ARFGAP2: variants seen among roughly 807,000 people sequenced by gnomAD.
The protein encoded by ARFGAP2 is ARF GTPase activating protein 2.
Under a neutral mutation model 71.9 loss-of-function variants are expected in ARFGAP2, and 45 were observed. That is an observed-to-expected ratio of 0.63 (90% CI 0.49 to 0.80). The LOEUF (loss-of-function observed/expected upper bound fraction) is 0.80, where lower values mean the gene tolerates loss of function less well. Ranked by LOEUF, ARFGAP2 falls within the 30% of genes least tolerant of loss-of-function variation. ARFGAP2 has a pLI of 0.00. For missense variants in ARFGAP2, 633 were observed against 673.9 expected (o/e 0.94, Z 0.67); for synonymous variants, 248 against 249.2 (o/e 1.00, Z 0.05).
In ARFGAP2 at chr11:47,165,374, C is replaced by G. The variant is rs1045017785; in HGVS notation, c.*108G>C. 1 of 1,427,514 alleles carries G rather than the reference C, an allele frequency of 7.0e-7. No homozygotes were observed. The highest frequency in any genetic ancestry group is 1.5e-5 in the African/African-American group (1 of 68,590). The allele number at this position is 1,427,514 out of a possible 1,614,324, so 88.4% of individuals were successfully genotyped here. On this transcript the variant is annotated 3_prime_UTR_variant, in exon 16 of 16. Coordinates refer to ENST00000524782, the MANE Select transcript of ARFGAP2 (RefSeq NM_032389.6). ...CCACCCCACACACACACCACACATACGAAGTAACAAATCCTCCCCAGCTTC... is the reference window on the plus strand; with the variant it reads ...CCACCCCACACACACACCACACATAGGAAGTAACAAATCCTCCCCAGCTTC...
Position 47,165,520 on chromosome 11 carries a change from G to GAAAAAA in ARFGAP2, c.1546-24_1546-19dup. On this transcript the variant is annotated intron_variant, in intron 15 of 15. Transcript: ENST00000524782. ...TAGCGATCCTGGGGGCGAGGGGGGA[G>GAAAAAA]AAAAAAAAAAAAAAAGTCAGAGGCT... The GAAAAAA allele has an allele frequency of 7.1e-7, 1 of 1,404,164 alleles. No individual in the cohort carries two copies. The highest frequency in any genetic ancestry group is 9.5e-7 in the Non-Finnish European group (1 of 1,054,214). 87.0% of individuals were successfully genotyped at this position (1,404,164 alleles called of 1,614,324 possible). A position where few individuals can be genotyped will look rare whatever the true frequency, so the allele number is the denominator to read the frequency against.
At position 47,166,586 on chromosome 11, in the gene ARFGAP2, G is replaced by A; in HGVS notation, c.1346C>T (p.Ser449Phe). The change falls in exon 14 of 16, where the codon TCT becomes TTT. Residue 449 changes from serine (S) to phenylalanine (F), a missense_variant. Physicochemically the swap from Ser to Phe is radical, Grantham distance 155. Transcript: ENST00000524782. The part of the protein sequence containing the change: ...REVDAEYEAR[S>F]RLQQLSGSSA... ...GCTGCCTGAGAGCTGCTGCAGCCGA[G>A]ACCTGGCCTCATACTGTGGTGAGGA... 1 of 1,612,184 alleles carries A rather than the reference G, an allele frequency of 6.2e-7. No individual in the cohort carries two copies. Among genetic ancestry groups the A allele is most frequent in the South Asian group, 1.1e-5 (1 of 91,082 alleles).
intron 5 of ARFGAP2, chr11:47,174,385 T>C: frequency 9.7e-6 from 1 of 103,300 alleles, no homozygotes; most frequent in Non-Finnish European, 2.0e-5. Context: ...TTTTTTTTTT[T>C]TTTTTTTTTT....
intron 3 of ARFGAP2, 96 bp downstream of exon 3, chr11:47,175,754 CT>C (rs1952783994): frequency 5.6e-6 from 8 of 1,418,060 alleles, no homozygotes; most frequent in Non-Finnish European, 6.0e-6. Flanking sequence ...ACAGAGAACC[CT>C]CTGAACAGGG....
chr11:47,166,443 G>C (rs1590944114), intron 14 of ARFGAP2, 57 bp from the exon 15 acceptor site: 2 of 1,611,460 alleles, frequency 1.2e-6, no homozygotes, highest in Non-Finnish European at 1.7e-6. Context: ...CCCAGTCACA[G>C]CAGGGCCCTC....
In ARFGAP2 at chr11:47,165,528, A is replaced by C. The variant is rs199748685; in HGVS notation, c.1546-26T>G. 1.1e-3 allele frequency: 1,708 copies of C among 1,557,078 alleles called. 22 individuals carry two copies. In the African/African-American group the frequency reaches 0.02, roughly 18 times the overall value. ...CTGGGGGCGAGGGGGGAGAAAAAAA[A>C]AAAAAAAGTCAGAGGCTCTAAGCTG... On this transcript the variant is annotated intron_variant, in intron 15 of 15. Transcript: ENST00000524782.
Position 47,172,297 on chromosome 11 carries a change from G to T in ARFGAP2, c.656C>A (p.Ala219Glu). 1 of 1,614,190 alleles carries T rather than the reference G, an allele frequency of 6.2e-7. No homozygotes were observed. Among genetic ancestry groups the T allele is most frequent in the Non-Finnish European group, 8.5e-7 (1 of 1,180,034 alleles). ...KSSIIGKKKP[A>E]AAKKGLGAKK... ...CCCACCTACCCCTTTCTTAGCTGCTGCTGGCTTCTTCTTGCCAATGATGGA... is the reference window on the plus strand; with the variant it reads ...CCCACCTACCCCTTTCTTAGCTGCTTCTGGCTTCTTCTTGCCAATGATGGA... Residue 219 changes from alanine (A) to glutamate (E), a missense_variant, in exon 8 of 16, where the codon GCA becomes GAA. Coordinates refer to ENST00000524782, the MANE Select transcript of ARFGAP2 (RefSeq NM_032389.6).
In ARFGAP2 at chr11:47,166,622, C is replaced by G. The variant is rs747404149; in HGVS notation, c.1333-23G>C. On this transcript the variant is annotated intron_variant, in intron 13 of 15. Transcript: ENST00000524782. ...ATACTGTGGTGAGGAAAAGGCCAGG[C>G]CTGGGGATCTTGGGGCTGATGACCC... The G allele has an allele frequency of 9.9e-6, 16 of 1,609,418 alleles. No homozygotes were observed. The Admixed American group carries it at 1.3e-4, about 13-fold the overall frequency.
chr11:47,167,505 G>C (rs1040822077), intron 12 of ARFGAP2, among the ~76,000 whole-genome samples: 1 of 152,110 alleles, frequency 6.6e-6, no homozygotes, highest in African/African-American at 2.4e-5. Context: ...AAGGGGGCTG[G>C]AGACATAAAA....
rs751322537 is a variant in ARFGAP2, at chr11:47,173,461, G to A, written c.584C>T (p.Thr195Ile). ...GLAQPEHGPN[T>I]DLLGTSPKAS... ...TTTGGGTGAGGTGCCAAGCAGGTCT[G>A]TGTTGGGGCCATGCTCCGGCTCTGT... Residue 195 changes from threonine (T) to isoleucine (I), a missense_variant, in exon 7 of 16, where the codon ACA (threonine) becomes ATA (isoleucine). By Grantham distance (89) the Thr-to-Ile change is moderately conservative (BLOSUM62 -1). Coordinates refer to ENST00000524782, the MANE Select transcript of ARFGAP2 (RefSeq NM_032389.6). 4.5e-6 allele frequency: 7 copies of A among 1,559,092 alleles called. No individual in the cohort carries two copies. In the African/African-American group the frequency reaches 8.2e-5, roughly 18 times the overall value.
intron 7 of ARFGAP2, chr11:47,173,181 C>T: frequency 1.9e-6 from 1 of 532,480 alleles, no homozygotes; most frequent in Non-Finnish European, 3.4e-6. Context: ...AGACCCAGCC[C>T]CACACTCAGA....
intron 15 of ARFGAP2, 38 bp downstream of exon 15, chr11:47,166,230 C>T (rs753657053): frequency 1.2e-6 from 2 of 1,603,554 alleles, no homozygotes; most frequent in Non-Finnish European, 1.7e-6. Context: ...AAGGGCAAAC[C>T]TCCCAGCACT....
chr11:47,171,297 C>T (rs1478511791), intron 10 of ARFGAP2, 129 bp downstream of exon 10: 6 of 1,455,258 alleles, frequency 4.1e-6, no homozygotes, highest in Non-Finnish European at 3.7e-6. Flanking sequence ...GACTTTAGAA[C>T]AATAAGCCAA....
chr11:47,173,848 G>C lies in ARFGAP2; in HGVS notation c.481-8C>G, dbSNP rs1952688437. 4.4e-6 allele frequency: 7 copies of C among 1,593,278 alleles called. No individual in the cohort carries two copies. Among genetic ancestry groups the C allele is most frequent in the Non-Finnish European group, 4.3e-6 (5 of 1,170,354 alleles). On this transcript the variant is annotated splice_polypyrimidine_tract_variant and splice_region_variant and intron_variant, in intron 5 of 15. Coordinates refer to ENST00000524782, the MANE Select transcript of ARFGAP2 (RefSeq NM_032389.6). ...CGCATCCCAGGCAGGGGGCTGAAAA[G>C]GAGGCCAGATCACAGATGCCTCGGT...
intron 10 of ARFGAP2, 83 bp from the exon 11 acceptor site, chr11:47,168,334 G>T (rs549593867): frequency 2.7e-5 from 42 of 1,583,784 alleles, no homozygotes; most frequent in Non-Finnish European, 3.5e-5. Context: ...CAGCAACTGG[G>T]TTCTCCTTCA....
At position 47,166,492 on chromosome 11, in the gene ARFGAP2, C is replaced by A. The variant is rs200822477; in HGVS notation, c.1426+14G>T. ...AGGCCTCACTTGGTGCCTGCCACCC[C>A]ACCAGGGCCCTACCTGCTCCGTGAG... On this transcript the variant is annotated intron_variant, in intron 14 of 15. Coordinates refer to ENST00000524782, the MANE Select transcript of ARFGAP2 (RefSeq NM_032389.6). The A allele has an allele frequency of 1.7e-4, 273 of 1,612,828 alleles. No individual in the cohort carries two copies. Among genetic ancestry groups the A allele is most frequent in the Non-Finnish European group, 1.8e-4 (208 of 1,179,800 alleles).
At chr11:47,169,516 T>C (rs983152281) in intron 10 of ARFGAP2, 1 of 152,010 alleles carries the variant, frequency 6.6e-6, no homozygotes, top group African/African-American at 2.4e-5. Flanking sequence ...TTAAAAAATA[T>C]CTATAGCTTT....
intron 15 of ARFGAP2, among the ~76,000 whole-genome samples, chr11:47,165,998 G>A (rs61897843): frequency 0.069 from 10,482 of 152,126 alleles, 376 homozygotes; most frequent in Non-Finnish European, 0.084. Context: ...CCCGAGTAGC[G>A]GGATTACAGG....
chr11:47,173,527 T>C (rs1182553495), intron 6 of ARFGAP2, 45 bp from the exon 7 acceptor site: 12 of 1,521,328 alleles, frequency 7.9e-6, no homozygotes, highest in African/African-American at 1.4e-5. Context: ...CCTAGCTTCC[T>C]GCAACCTCCC....
Sources: gnomAD v4.1 joint callset for allele counts (sites outside exome capture counted in the v4.1 genomes callset) on GRCh38, gnomAD v4.1.1 for gene constraint, MANE v1.5 for transcripts, NCBI Gene and HGNC (gene_info 2026-07-23, HGNC 2026-07-21) for gene names.